The following XKR6 variants were observed in gnomAD, a reference collection of about 807,000 sequenced individuals.
XKR6 encodes XK related 6, also known as XK-related protein 6.
A neutral mutation model predicts 56.7 loss-of-function variants in XKR6; 22 were observed. That is an observed-to-expected ratio of 0.39 (90% CI 0.28 to 0.55). XKR6 has a LOEUF of 0.55. Among genes scored for constraint, XKR6 ranks in the 20% least tolerant of loss-of-function variants. The pLI is 0.66. For synonymous variants in XKR6, 524 were observed against 387.8 expected (o/e 1.35, Z -4.13); for missense variants, 852 against 889.0 (o/e 0.96, Z 0.53).
At chr8:11,116,750 C>T (rs939594946) in intron 1 of XKR6, among the ~76,000 whole-genome samples, 32 of 152,162 alleles carry the variant, frequency 2.1e-4, no homozygotes, top group African/African-American at 7.5e-4. Context: ...GTCCCCCTTA[C>T]ATCTCACAAC....
At chr8:11,189,807 G>A (rs1379350523) in intron 1 of XKR6, among the ~76,000 whole-genome samples, 1 of 152,138 alleles carries the variant, frequency 6.6e-6, no homozygotes, top group Non-Finnish European at 1.5e-5. Flanking sequence ...GTCTCTTATG[G>A]TAGATCTCAA....
chr8:11,108,776 G>A, intron 1 of XKR6: 1 of 172,734 alleles, frequency 5.8e-6, no homozygotes, highest in Non-Finnish European at 1.2e-5. Flanking sequence ...AAGGTAAAAT[G>A]AAGACGATCT....
At chr8:11,088,798 C>G (rs889836773) in intron 1 of XKR6, among the ~76,000 whole-genome samples, 13 of 152,202 alleles carry the variant, frequency 8.5e-5, no homozygotes, top group Non-Finnish European at 1.9e-4. Context: ...AGAATGGTAT[C>G]TGCCCTACAG....
Position 11,178,574 on chromosome 8 carries a change from G to GTA in XKR6, c.764+22000_764+22001dup, listed in dbSNP as rs376780790. On this transcript the variant is annotated intron_variant, in intron 1 of 2. Transcript: ENST00000416569. ...TATATATATATATATATATATATATGTATATATATATGTACTACACACACA... is the reference window on the plus strand; with the variant it reads ...TATATATATATATATATATATATATGTATATATATATATGTACTACACACACA... Among the ~76,000 whole-genome samples the GTA allele has an allele frequency of 9.7e-4, 100 of 102,838 alleles. 2 individuals are homozygous for GTA. The Middle Eastern group carries it at 0.015, about 15-fold the overall frequency. The allele number at this position is 102,838 out of a possible 152,430, so 67.5% of individuals were successfully genotyped here. A position where few individuals can be genotyped will look rare whatever the true frequency, so the allele number is the denominator to read the frequency against.
At chr8:10,973,743 G>C (rs1346364868) in intron 1 of XKR6, among the ~76,000 whole-genome samples, 1 of 152,138 alleles carries the variant, frequency 6.6e-6, no homozygotes, top group Non-Finnish European at 1.5e-5. Context: ...ACCAGGCCCA[G>C]CTAATTTTTT....
chr8:11,129,894 A>G (rs1044850693), intron 1 of XKR6, among the ~76,000 whole-genome samples: 1 of 152,146 alleles, frequency 6.6e-6, no homozygotes, highest in Non-Finnish European at 1.5e-5. Context: ...AACCAATCTC[A>G]GCTGCTTGAT....
intron 1 of XKR6, among the ~76,000 whole-genome samples, chr8:10,968,375 T>A (rs77086744): frequency 0.059 from 9,028 of 152,322 alleles, 376 homozygotes; most frequent in Middle Eastern, 0.095. Flanking sequence ...AGAATGTGTG[T>A]CTCTTTCCCT....
chr8:11,181,864 T>C (rs1802998873), intron 1 of XKR6, among the ~76,000 whole-genome samples: 2 of 152,128 alleles, frequency 1.3e-5, no homozygotes, highest in African/African-American at 4.8e-5. Flanking sequence ...TTTTTTTTTT[T>C]CTCTTGGAGA....
At position 11,132,786 on chromosome 8, in the gene XKR6, C is replaced by T. The variant is rs77127210; in HGVS notation, c.764+67790G>A. Among the ~76,000 whole-genome samples, 223 of 151,080 alleles carry T rather than the reference C, an allele frequency of 1.5e-3. 1 individual carries two copies. Among genetic ancestry groups the T allele is most frequent in the South Asian group, 0.014 (67 of 4,790 alleles). ...ACGCACGCACACACACACACACACA[C>T]GCACATTTTTTTTCTTGGAAGACTT... On this transcript the variant is annotated intron_variant, in intron 1 of 2. Transcript: ENST00000416569.
intron 1 of XKR6, among the ~76,000 whole-genome samples, chr8:10,990,204 T>C (rs1797957206): frequency 6.6e-6 from 1 of 152,208 alleles, no homozygotes; most frequent in African/African-American, 2.4e-5. Context: ...TTCAGTGCAG[T>C]GGCAGCAAAG....
chr8:11,025,819 G>A (rs577644731), intron 1 of XKR6, among the ~76,000 whole-genome samples: 1 of 152,268 alleles, frequency 6.6e-6, no homozygotes, highest in East Asian at 1.9e-4. Context: ...GCGTAGCACT[G>A]CCTATGTGTA....
rs117755731 is a variant in XKR6, at chr8:11,074,385, G to A, written c.764+126191C>T. On this transcript the variant is annotated intron_variant, in intron 1 of 2. Coordinates refer to ENST00000416569, the MANE Select transcript of XKR6 (RefSeq NM_173683.4). ...AGTTAGTGACACTGACGATGCACCA[G>A]CAAGATCCAGCCTGCAAGACTGCCC... 3.6e-3 allele frequency among the ~76,000 whole-genome samples: 543 copies of A among 152,340 alleles called. 8 individuals carry two copies. The East Asian group carries it at 0.042, about 12-fold the overall frequency.
chr8:10,912,546 G>GAA (rs1800425972), intron 2 of XKR6, among the ~76,000 whole-genome samples: 1 of 144,566 alleles, frequency 6.9e-6, no homozygotes, highest in African/African-American at 2.6e-5. Flanking sequence ...TAGAGAAAGA[G>GAA]AGAGGGTGTG....
intron 1 of XKR6, among the ~76,000 whole-genome samples, chr8:11,094,987 G>A (rs982377752): frequency 6.6e-6 from 1 of 152,138 alleles, no homozygotes; most frequent in African/African-American, 2.4e-5. Flanking sequence ...CACGGCACAT[G>A]CTAACCTATG....
intron 1 of XKR6, chr8:11,062,681 G>GT (rs1799865678): frequency 2.2e-6 from 1 of 452,994 alleles, no homozygotes; most frequent in African/African-American, 2.0e-5. Flanking sequence ...ATGTGATCTG[G>GT]TTTTTAGTTA....
intron 1 of XKR6, among the ~76,000 whole-genome samples, chr8:11,043,978 T>C (rs1799347611): frequency 1.3e-5 from 2 of 152,188 alleles, no homozygotes; most frequent in Non-Finnish European, 2.9e-5. Context: ...TTCTTCTTTT[T>C]CTCCAGCAGC....
intron 1 of XKR6, among the ~76,000 whole-genome samples, chr8:11,117,135 GA>G (rs1353239833): frequency 6.6e-6 from 1 of 152,156 alleles, no homozygotes; most frequent in African/African-American, 2.4e-5. Context: ...CAACGTCAAA[GA>G]TATTTTCATG....
chr8:10,919,679 A>G (rs1800658498), intron 2 of XKR6, among the ~76,000 whole-genome samples: 1 of 152,322 alleles, frequency 6.6e-6, no homozygotes, highest in Non-Finnish European at 1.5e-5. Context: ...AGGTCAATAC[A>G]TGGCAGAGCT....
chr8:11,036,404 T>C (rs1799145036), intron 1 of XKR6, among the ~76,000 whole-genome samples: 1 of 152,202 alleles, frequency 6.6e-6, no homozygotes, highest in Admixed American at 6.5e-5. Flanking sequence ...ACCCCAAAGA[T>C]ATCTTCTCTG....
Sources: gnomAD v4.1 joint callset for allele counts (sites outside exome capture counted in the v4.1 genomes callset) on GRCh38, gnomAD v4.1.1 for gene constraint, MANE v1.5 for transcripts, NCBI Gene and HGNC (gene_info 2026-07-23, HGNC 2026-07-21) for gene names.